Variants in LRRC75A observed in about 807,000 individuals in gnomAD.
LRRC75A encodes leucine rich repeat containing 75A, also known as leucine-rich repeat-containing protein 75A.
LRRC75A carries 12 observed loss-of-function variants against 26.0 expected under a neutral mutation model. That is an observed-to-expected ratio of 0.46 (90% CI 0.30 to 0.75). LRRC75A has a LOEUF of 0.75. LRRC75A is among the 30% of genes least tolerant of loss of function. The pLI is 0.08. For synonymous variants in LRRC75A, 223 were observed against 219.3 expected (o/e 1.02, Z -0.15); for missense variants, 410 against 486.6 (o/e 0.84, Z 1.48).
intron 1 of LRRC75A, among the ~76,000 whole-genome samples, chr17:16,464,420 A>T (rs2093752383): frequency 6.6e-6 from 1 of 152,314 alleles, no homozygotes; most frequent in South Asian, 2.1e-4. Flanking sequence ...TGAAGCAAGC[A>T]ACCTGACAAT....
chr17:16,466,992 G>T (rs1263636865), intron 1 of LRRC75A, among the ~76,000 whole-genome samples: 3 of 151,862 alleles, frequency 2.0e-5, no homozygotes. Flanking sequence ...ACAACCTGTC[G>T]CAAGACCCAG....
At chr17:16,482,751 G>A (rs955419543) in intron 1 of LRRC75A, among the ~76,000 whole-genome samples, 2 of 152,206 alleles carry the variant, frequency 1.3e-5, no homozygotes, top group East Asian at 1.9e-4. Context: ...TGGCATCAGC[G>A]ACTGCCCTGA....
At chr17:16,458,694 A>G (rs527279206) in intron 2 of LRRC75A, among the ~76,000 whole-genome samples, 10 of 151,304 alleles carry the variant, frequency 6.6e-5, no homozygotes, top group African/African-American at 1.9e-4. Context: ...CGAACTTCCA[A>G]CCTCAGATGA....
intron 1 of LRRC75A, among the ~76,000 whole-genome samples, chr17:16,485,315 G>C (rs926458744): frequency 6.6e-6 from 1 of 152,186 alleles, no homozygotes; most frequent in Non-Finnish European, 1.5e-5. Flanking sequence ...GTATCGGGAG[G>C]TGGGGCCTAC....
rs141630549 is a variant in LRRC75A at position 16,485,112 on chromosome 17, C to T, written c.246+6633G>A. Among the ~76,000 whole-genome samples, 40 of 152,256 alleles carry T rather than the reference C, an allele frequency of 2.6e-4. No individual in the cohort carries two copies. In the East Asian group the frequency reaches 6.0e-3, roughly 23 times the overall value. On this transcript the variant is annotated intron_variant, in intron 1 of 3. Coordinates refer to ENST00000470794, the MANE Select transcript of LRRC75A (RefSeq NM_001113567.3). ...CCAAGGTCTCTGTTCTCATTCAGAA[C>T]ACCCAGCCCTTCTAGTAATGGTGAG...
At chr17:16,457,071 GA>G (rs2093691333) in intron 2 of LRRC75A, among the ~76,000 whole-genome samples, 1 of 152,162 alleles carries the variant, frequency 6.6e-6, no homozygotes, top group Admixed American at 6.5e-5. Context: ...GCTGACCTGG[GA>G]GGGGTACCAG....
rs750336093 is a variant in LRRC75A at position 16,447,989 on chromosome 17, C to T, written c.376-29G>A. ...CAGAGGCAACCATGGGTGGTAGGGC[C>T]CTGAGTGGCTGGGTGCACCAGTCTC... On this transcript the variant is annotated intron_variant, in intron 2 of 3. Transcript: ENST00000470794. The T allele has an allele frequency of 2.0e-6, 3 of 1,535,180 alleles. No homozygotes were observed. The African/African-American group carries it at 4.1e-5, about 21-fold the overall frequency.
chr17:16,471,170 A>G (rs940430984), intron 1 of LRRC75A, among the ~76,000 whole-genome samples: 2 of 152,210 alleles, frequency 1.3e-5, no homozygotes, highest in Non-Finnish European at 2.9e-5. Context: ...TTCTTACAAG[A>G]GACACAGAGA....
chr17:16,491,918 C>A lies in LRRC75A; in HGVS notation c.73G>T (p.Glu25Ter), dbSNP rs2093858387. The A allele has an allele frequency of 2.4e-6, 3 of 1,265,890 alleles. No homozygotes were observed. Among genetic ancestry groups the A allele is most frequent in the Non-Finnish European group, 3.0e-6 (3 of 1,008,554 alleles). The allele number at this position is 1,265,890 out of a possible 1,614,324, so 78.4% of individuals were successfully genotyped here. Residue 25 changes from glutamate to a stop codon, truncating the protein, a stop_gained, in exon 1 of 4, where the codon GAA (glutamate) becomes TAA (stop). Transcript: ENST00000470794. LOFTEE classifies it high-confidence loss of function. The surrounding 1 kb of genome is among the most constrained non-coding windows in gnomAD (Gnocchi z 5.9). Reference sequence around the variant, plus strand: ...AGCGACGCCCAGAAGTCCGGCCGTTCGCGTCGGGGGCCCGGCGCGGCGCCG... The same window carrying A: ...AGCGACGCCCAGAAGTCCGGCCGTTAGCGTCGGGGGCCCGGCGCGGCGCCG... Reference protein sequence around the residue: ...SPGAAPGPRRERPDFWASLLL... With the variant: ...SPGAAPGPRR
intron 2 of LRRC75A, among the ~76,000 whole-genome samples, chr17:16,454,338 G>A (rs949305070): frequency 1.3e-5 from 2 of 151,998 alleles, no homozygotes; most frequent in Non-Finnish European, 2.9e-5. Flanking sequence ...GGTCCAGTGA[G>A]CCGAGATCAC....
intron 2 of LRRC75A, among the ~76,000 whole-genome samples, chr17:16,451,484 G>A (rs1168674408): frequency 6.6e-6 from 1 of 151,958 alleles, no homozygotes; most frequent in Non-Finnish European, 1.5e-5. Flanking sequence ...AGCTGGGCGT[G>A]ACGGCGGGCG....
intron 2 of LRRC75A, among the ~76,000 whole-genome samples, chr17:16,458,614 C>G (rs554158158): frequency 6.6e-6 from 1 of 152,006 alleles, no homozygotes. Context: ...TATAGGCATG[C>G]GCCACCACGC....
chr17:16,445,621 A>G (rs1460804296), intron 3 of LRRC75A, among the ~76,000 whole-genome samples: 2 of 152,212 alleles, frequency 1.3e-5, no homozygotes, highest in African/African-American at 4.8e-5. Flanking sequence ...CTAAGCTGGG[A>G]GGCTGTCCAC....
chr17:16,445,158 ATTTTTTTTTTTTTT>A (rs766449990), intron 3 of LRRC75A, among the ~76,000 whole-genome samples: 5 of 69,716 alleles, frequency 7.2e-5, no homozygotes, highest in African/African-American at 1.9e-4. Context: ...CATTTTCTGC[ATTTTTTTTTTTTTT>A]TTTTTTTTTT....
chr17:16,472,316 C>A (rs1368913328), intron 1 of LRRC75A, among the ~76,000 whole-genome samples: 1 of 151,886 alleles, frequency 6.6e-6, no homozygotes, highest in Admixed American at 6.6e-5. Flanking sequence ...GCGAGAGGAA[C>A]CACAAAAGAA....
intron 1 of LRRC75A, among the ~76,000 whole-genome samples, chr17:16,477,003 G>C (rs1409198732): frequency 6.6e-6 from 1 of 151,580 alleles, no homozygotes; most frequent in Non-Finnish European, 1.5e-5. Flanking sequence ...CTCCCAAAGT[G>C]CTGGGATTAC....
Position 16,462,383 on chromosome 17 carries a change from G to A in LRRC75A, c.250C>T (p.Leu84=), listed in dbSNP as rs774579647. 2 of 1,613,962 alleles carry A rather than the reference G, an allele frequency of 1.2e-6. No homozygotes were observed. The highest frequency in any genetic ancestry group is 2.2e-5 in the South Asian group (2 of 91,082). The change falls in exon 2 of 4, where the codon CTG becomes TTG. Residue 84 remains leucine (L), a synonymous_variant. Coordinates refer to ENST00000470794, the MANE Select transcript of LRRC75A (RefSeq NM_001113567.3). The surrounding 1 kb of genome is among the most constrained non-coding windows in gnomAD (Gnocchi z 4.6). ...TCTAGCGAGGTCGACTCCATGCCCA[G>A]GTCCTGCAAGAGCAAAGGATGCCCA... ...GTLLQHLRQD[L]GMESTSLDDV...
intron 3 of LRRC75A, among the ~76,000 whole-genome samples, chr17:16,445,535 G>A (rs1323684645): frequency 6.6e-6 from 1 of 152,174 alleles, no homozygotes; most frequent in Non-Finnish European, 1.5e-5. Flanking sequence ...TGCTCCAAGA[G>A]CATATGCTAC....
At chr17:16,448,104 C>T in intron 2 of LRRC75A, 144 bp from the exon 3 acceptor site, 2 of 706,636 alleles carry the variant, frequency 2.8e-6, no homozygotes, top group Non-Finnish European at 5.1e-6. Flanking sequence ...AGGGTGGGCA[C>T]CCTAGGCAGA....
Sources: gnomAD v4.1 joint callset for allele counts (sites outside exome capture counted in the v4.1 genomes callset) on GRCh38, gnomAD v4.1.1 for gene constraint, Gnocchi (gnomAD v3.1) non-coding constraint, MANE v1.5 for transcripts, NCBI Gene and HGNC (gene_info 2026-07-23, HGNC 2026-07-21) for gene names.